The following CFAP57 variants were observed in gnomAD, a reference collection of about 807,000 sequenced individuals.
CFAP57 encodes cilia- and flagella-associated protein 57.
Under a neutral mutation model 146.8 loss-of-function variants are expected in CFAP57, and 116 were observed. The observed-to-expected ratio is 0.79, with a 90% CI of 0.68 to 0.92. The LOEUF is 0.92. Ranked by LOEUF, CFAP57 falls within the 40% of genes least tolerant of loss-of-function variation. The pLI, the probability that CFAP57 is intolerant of heterozygous loss-of-function variation, is 0.00. For synonymous variants in CFAP57, 518 were observed against 552.8 expected (o/e 0.94, Z 0.88); for missense variants, 1,377 against 1,527.2 (o/e 0.90, Z 1.64).
At chr1:43,192,913 G>A (rs1643632753) in intron 6 of CFAP57, among the ~76,000 whole-genome samples, 1 of 150,826 alleles carries the variant, frequency 6.6e-6, no homozygotes, top group African/African-American at 2.5e-5. Flanking sequence ...GGCAACAAGA[G>A]TGAAAACTCC....
intron 22 of CFAP57, chr1:43,250,364 C>T (rs2124693825): frequency 6.6e-6 from 1 of 152,236 alleles, no homozygotes; most frequent in African/African-American, 2.4e-5. Flanking sequence ...TTTTAAAGGC[C>T]AAACTTCCCC....
Position 43,197,707 on chromosome 1 carries a change from G to T in CFAP57, c.1262+15G>T. 1 of 1,613,994 alleles carries T rather than the reference G, an allele frequency of 6.2e-7. No individual in the cohort carries two copies. The highest frequency in any genetic ancestry group is 8.5e-7 in the Non-Finnish European group (1 of 1,179,914). On this transcript the variant is annotated intron_variant, in intron 7 of 22. Coordinates refer to ENST00000372492, the MANE Select transcript of CFAP57 (RefSeq NM_001378189.1). ...TATGAAACAAAGTAAGGAATGAAAG[G>T]CTTGCCTACTTTATTATGCAAGACC... is the stretch of plus-strand genomic sequence containing the variant.
chr1:43,213,909 A>G (rs1052984960), intron 11 of CFAP57, among the ~76,000 whole-genome samples: 1 of 124,896 alleles, frequency 8.0e-6, no homozygotes, highest in Non-Finnish European at 1.7e-5. Flanking sequence ...TTTTTGAGAT[A>G]GAGTTTTGCT....
chr1:43,243,388 G>A, intron 22 of CFAP57, 29 bp downstream of exon 22: 1 of 1,493,576 alleles, frequency 6.7e-7, no homozygotes. Flanking sequence ...AGGGGAGATG[G>A]GCACTGGGAC....
chr1:43,172,715 G>T lies in CFAP57; in HGVS notation c.-19-20G>T. ...GGGGCGGTGCTCTCCACTCTGAAGC[G>T]CTGCCTTGGTCTTCAGCAGAACTGT... On this transcript the variant is annotated intron_variant, in intron 1 of 22. Coordinates refer to ENST00000372492, the MANE Select transcript of CFAP57 (RefSeq NM_001378189.1). 2 of 1,612,610 alleles carry T rather than the reference G, an allele frequency of 1.2e-6. No homozygotes were observed. Among genetic ancestry groups the T allele is most frequent in the Non-Finnish European group, 1.7e-6 (2 of 1,179,768 alleles).
chr1:43,215,417 G>A lies in CFAP57; in HGVS notation c.2091+1G>A. ...GACTAAAACAGACATGGAAGAAAAG[G>A]TAAGAACTGGATCTAATGAAGAGGG... On this transcript the variant is annotated splice_donor_variant, in intron 12 of 22. Transcript: ENST00000372492. LOFTEE classifies it high-confidence loss of function. 2 of 1,550,338 alleles carry A rather than the reference G, an allele frequency of 1.3e-6. No individual in the cohort carries two copies. Among genetic ancestry groups the A allele is most frequent in the Non-Finnish European group, 1.7e-6 (2 of 1,146,760 alleles).
chr1:43,245,605 A>T (rs958475592), intron 22 of CFAP57, among the ~76,000 whole-genome samples: 1 of 152,184 alleles, frequency 6.6e-6, no homozygotes, highest in African/African-American at 2.4e-5. Context: ...AATGTATGCC[A>T]CAAAACCCTC....
At position 43,222,708 on chromosome 1, in the gene CFAP57, A is replaced by G. The variant is rs140473715; in HGVS notation, c.2533-116A>G. On this transcript the variant is annotated intron_variant, in intron 15 of 22. Transcript: ENST00000372492. Reference sequence around the variant, plus strand: ...CCATGGTCTCCGTTTCTGGAATGACACTCGCCTTTGACTCCCTGGGACAGG... The same window carrying G: ...CCATGGTCTCCGTTTCTGGAATGACGCTCGCCTTTGACTCCCTGGGACAGG... 68 of 1,208,516 alleles carry G rather than the reference A, an allele frequency of 5.6e-5. No homozygotes were observed. The African/African-American group carries it at 9.6e-4, about 17-fold the overall frequency. 74.9% of individuals were successfully genotyped at this position (1,208,516 alleles called of 1,614,324 possible).
At chr1:43,187,764 G>C (rs867370969) in intron 6 of CFAP57, among the ~76,000 whole-genome samples, 1 of 152,030 alleles carries the variant, frequency 6.6e-6, no homozygotes, top group Non-Finnish European at 1.5e-5. Context: ...ATCATAAAAC[G>C]TGTGGACTTT....
chr1:43,183,415 A>G (rs544447827), intron 3 of CFAP57, among the ~76,000 whole-genome samples, 176 bp from the exon 4 acceptor site: 1 of 152,334 alleles, frequency 6.6e-6, no homozygotes, highest in South Asian at 2.1e-4. Flanking sequence ...ATCCCTATAA[A>G]TATAATGGAT....
At chr1:43,245,202 G>T (rs566829385) in intron 22 of CFAP57, among the ~76,000 whole-genome samples, 1 of 152,016 alleles carries the variant, frequency 6.6e-6, no homozygotes, top group Non-Finnish European at 1.5e-5. Context: ...CCAGCTATTC[G>T]GGAGGTTGAG....
chr1:43,174,188 C>A (rs1239112654), intron 2 of CFAP57, among the ~76,000 whole-genome samples: 1 of 151,862 alleles, frequency 6.6e-6, no homozygotes, highest in African/African-American at 2.4e-5. Context: ...ATATATATGT[C>A]TTGCAAATAA....
intron 18 of CFAP57, among the ~76,000 whole-genome samples, chr1:43,231,799 G>A (rs779405917): frequency 5.3e-5 from 8 of 152,106 alleles, no homozygotes; most frequent in Non-Finnish European, 1.2e-4. Flanking sequence ...ACCCGGAGGC[G>A]GAGGTTGCAG....
At chr1:43,175,102 C>T (rs1355238753) in intron 2 of CFAP57, among the ~76,000 whole-genome samples, 1 of 151,990 alleles carries the variant, frequency 6.6e-6, no homozygotes, top group African/African-American at 2.4e-5. Flanking sequence ...AGATCATATT[C>T]CATTGTGTTT....
At chr1:43,183,175 G>C (rs1203532675) in intron 3 of CFAP57, among the ~76,000 whole-genome samples, 1 of 152,156 alleles carries the variant, frequency 6.6e-6, no homozygotes, top group African/African-American at 2.4e-5. Flanking sequence ...ATTGGGATAA[G>C]AGCTGTGATT....
At chr1:43,249,067 T>TG (rs35855945) in intron 22 of CFAP57, among the ~76,000 whole-genome samples, 2 of 147,430 alleles carry the variant, frequency 1.4e-5, no homozygotes, top group Non-Finnish European at 3.0e-5. Flanking sequence ...TTTTTTTTTT[T>TG]GTATTTTTAG....
chr1:43,218,366 G>A (rs1644916145), intron 12 of CFAP57, among the ~76,000 whole-genome samples: 1 of 152,186 alleles, frequency 6.6e-6, no homozygotes, highest in Non-Finnish European at 1.5e-5. Flanking sequence ...TTGGGAGGCT[G>A]AGGCAGGAGG....
chr1:43,240,838 G>A (rs1645886090), intron 21 of CFAP57, among the ~76,000 whole-genome samples: 1 of 152,186 alleles, frequency 6.6e-6, no homozygotes, highest in African/African-American at 2.4e-5. Context: ...GCGAAAGAGA[G>A]AGTAGGAGAG....
intron 10 of CFAP57, 93 bp from the exon 11 acceptor site, chr1:43,209,650 G>A (rs779621302): frequency 3.9e-6 from 5 of 1,269,234 alleles, no homozygotes; most frequent in Non-Finnish European, 5.6e-6. Context: ...AGCCCCTAGG[G>A]ATCTGTTAGA....
Sources: gnomAD v4.1 joint callset for allele counts (sites outside exome capture counted in the v4.1 genomes callset) on GRCh38, gnomAD v4.1.1 for gene constraint, MANE v1.5 for transcripts, NCBI Gene and HGNC (gene_info 2026-07-23, HGNC 2026-07-21) for gene names.